KCNJ3: variants seen among roughly 807,000 people sequenced by gnomAD.
The protein encoded by KCNJ3 is G protein-activated inward rectifier potassium channel 1.
KCNJ3 carries 4 observed loss-of-function variants against 39.2 expected under a neutral mutation model. The ratio of observed to expected loss-of-function variants is 0.10; its 90% CI spans 0.05 to 0.23. KCNJ3 has a LOEUF of 0.23. Ranked by LOEUF, KCNJ3 falls within the 10% of genes least tolerant of loss-of-function variation. KCNJ3 has a pLI of 1.00. For missense variants in KCNJ3, 276 were observed against 634.9 expected, an observed-to-expected ratio of 0.43 and a Z score of 6.08; for synonymous variants, 230 against 237.4, an observed-to-expected ratio of 0.97 and a Z score of 0.29.
chr2:154,772,763 C>A (rs796603709), intron 2 of KCNJ3, among the ~76,000 whole-genome samples: 4 of 151,744 alleles, frequency 2.6e-5, no homozygotes, highest in African/African-American at 9.7e-5. Flanking sequence ...TTTTCAGAGA[C>A]CATTTCTTGT....
chr2:154,814,994 C>G (rs532055575), intron 2 of KCNJ3, among the ~76,000 whole-genome samples: 2 of 152,278 alleles, frequency 1.3e-5, no homozygotes, highest in Middle Eastern at 3.4e-3. Context: ...GTAGGTAAGA[C>G]AGTTAAAGCA....
chr2:154,743,429 G>A (rs887823547), intron 2 of KCNJ3, among the ~76,000 whole-genome samples: 2 of 151,698 alleles, frequency 1.3e-5, no homozygotes, highest in Non-Finnish European at 3.0e-5. Context: ...TCTGTCAACA[G>A]TTTTGAGTAG....
At chr2:154,798,754 T>G (rs1401268359) in intron 2 of KCNJ3, among the ~76,000 whole-genome samples, 1 of 152,228 alleles carries the variant, frequency 6.6e-6, no homozygotes. Flanking sequence ...TCCATGTTGT[T>G]GCATATTGCA....
chr2:154,820,306 G>A (rs1230132490), intron 2 of KCNJ3, among the ~76,000 whole-genome samples: 2 of 152,102 alleles, frequency 1.3e-5, no homozygotes, highest in Non-Finnish European at 2.9e-5. Context: ...TGAATTTTTT[G>A]TGTTTTCTTA....
chr2:154,830,813 T>TGTCA (rs1334760528), intron 2 of KCNJ3, among the ~76,000 whole-genome samples: 1 of 152,154 alleles, frequency 6.6e-6, no homozygotes, highest in African/African-American at 2.4e-5. Context: ...TCTACAAAAC[T>TGTCA]GTCAGACAAA....
intron 2 of KCNJ3, among the ~76,000 whole-genome samples, chr2:154,748,245 A>C: frequency 6.6e-6 from 1 of 151,272 alleles, no homozygotes; most frequent in East Asian, 1.9e-4. Context: ...TTTTTATAAA[A>C]GAAATGTGAC....
chr2:154,699,987 G>A lies in KCNJ3; in HGVS notation c.702+510G>A, dbSNP rs568578259. Among the ~76,000 whole-genome samples, 40 of 151,966 alleles carry A rather than the reference G, an allele frequency of 2.6e-4. 1 individual carries two copies. In the South Asian group the frequency reaches 7.5e-3, roughly 28 times the overall value. ...TTTCCCCCTAATAATATTAGGAGGCGGATTACTCCTCTGGACCCAATGACT... is the reference window on the plus strand; with the variant it reads ...TTTCCCCCTAATAATATTAGGAGGCAGATTACTCCTCTGGACCCAATGACT... On this transcript the variant is annotated intron_variant, in intron 1 of 2. Transcript: ENST00000295101. The surrounding 1 kb of genome is among the most constrained non-coding windows in gnomAD (Gnocchi z 6.4).
intron 2 of KCNJ3, among the ~76,000 whole-genome samples, chr2:154,830,867 A>C (rs1214772192): frequency 6.6e-6 from 1 of 152,200 alleles, no homozygotes; most frequent in Non-Finnish European, 1.5e-5. Flanking sequence ...GATTTAATTT[A>C]CTATTTTTAT....
At chr2:154,830,293 G>T (rs948556916) in intron 2 of KCNJ3, among the ~76,000 whole-genome samples, 15 of 152,202 alleles carry the variant, frequency 9.9e-5, no homozygotes, top group African/African-American at 3.6e-4. Flanking sequence ...TATTTCATCA[G>T]ATCTGAATAA....
At chr2:154,821,369 T>G (rs1687169496) in intron 2 of KCNJ3, among the ~76,000 whole-genome samples, 1 of 152,214 alleles carries the variant, frequency 6.6e-6, no homozygotes, top group African/African-American at 2.4e-5. Context: ...ATGAGCAGAT[T>G]ACTAGGCAAC....
intron 2 of KCNJ3, among the ~76,000 whole-genome samples, chr2:154,823,923 A>C (rs2105112550): frequency 6.6e-6 from 1 of 152,310 alleles, no homozygotes; most frequent in Non-Finnish European, 1.5e-5. Flanking sequence ...TTGTTGAATA[A>C]ATAAATTAAT....
At chr2:154,796,566 A>G (rs928696234) in intron 2 of KCNJ3, among the ~76,000 whole-genome samples, 4 of 152,124 alleles carry the variant, frequency 2.6e-5, no homozygotes, top group Non-Finnish European at 5.9e-5. Flanking sequence ...AGAATTTAGC[A>G]TTTGAGAAGG....
At chr2:154,726,812 CACACACA>C (rs1685366011) in intron 2 of KCNJ3, among the ~76,000 whole-genome samples, 1 of 149,994 alleles carries the variant, frequency 6.7e-6, no homozygotes, top group Admixed American at 6.6e-5. Context: ...CACACACACA[CACACACA>C]CACACACACA....
intron 2 of KCNJ3, among the ~76,000 whole-genome samples, chr2:154,716,052 T>C (rs944035976): frequency 1.3e-5 from 2 of 152,072 alleles, no homozygotes; most frequent in Admixed American, 6.5e-5. Context: ...CGTTTCCTCA[T>C]ACCCTTGCTA....
chr2:154,803,424 T>G (rs930475548), intron 2 of KCNJ3, among the ~76,000 whole-genome samples: 27 of 151,836 alleles, frequency 1.8e-4, no homozygotes, highest in Admixed American at 3.3e-4. Flanking sequence ...ATTAAAATAG[T>G]TCACACGCAC....
intron 2 of KCNJ3, among the ~76,000 whole-genome samples, chr2:154,734,709 T>C (rs1479095150): frequency 6.6e-6 from 1 of 152,086 alleles, no homozygotes; most frequent in African/African-American, 2.4e-5. Flanking sequence ...AGGGAGGAGA[T>C]GGAGAGAGTG....
At chr2:154,776,597 A>G (rs1285998859) in intron 2 of KCNJ3, among the ~76,000 whole-genome samples, 1 of 152,184 alleles carries the variant, frequency 6.6e-6, no homozygotes, top group Non-Finnish European at 1.5e-5. Flanking sequence ...AATTTAGGAA[A>G]CATTCTTTCA....
At chr2:154,770,212 A>G (rs1407250633) in intron 2 of KCNJ3, among the ~76,000 whole-genome samples, 1 of 152,200 alleles carries the variant, frequency 6.6e-6, no homozygotes, top group Non-Finnish European at 1.5e-5. Context: ...CCTTCTCCTT[A>G]GCACATAGCT....
At chr2:154,784,056 GT>G (rs1322568886) in intron 2 of KCNJ3, among the ~76,000 whole-genome samples, 1 of 152,172 alleles carries the variant, frequency 6.6e-6, no homozygotes, top group East Asian at 1.9e-4. Context: ...AAAATTTGAG[GT>G]TTATAAAATG....
Sources: allele counts gnomAD v4.1 joint callset (sites outside exome capture counted in the v4.1 genomes callset), GRCh38; gene constraint gnomAD v4.1.1; non-coding constraint Gnocchi (gnomAD v3.1); transcripts MANE v1.5; gene names NCBI Gene and HGNC (gene_info 2026-07-23, HGNC 2026-07-21).